The following ROBO1 variants were observed in gnomAD, a reference collection of about 807,000 sequenced individuals.
ROBO1 encodes roundabout guidance receptor 1, also known as roundabout homolog 1.
Under a neutral mutation model 195.9 loss-of-function variants are expected in ROBO1, and 149 were observed. The ratio of observed to expected loss-of-function variants is 0.76; its 90% confidence interval spans 0.67 to 0.87. The LOEUF is 0.87. Ranked by LOEUF, ROBO1 falls within the 40% of genes least tolerant of loss-of-function variation. The probability of loss-of-function intolerance (pLI) is 0.00; values close to 1 mark genes in which losing one functional copy is unlikely to be tolerated. For missense variants in ROBO1, 1,933 were observed against 2,068.3 expected (o/e 0.93, Z 1.27); for synonymous variants, 816 against 733.2 (o/e 1.11, Z -1.82).
intron 2 of ROBO1, among the ~76,000 whole-genome samples, chr3:79,529,793 A>G (rs1234438228): frequency 1.3e-5 from 2 of 152,344 alleles, no homozygotes; most frequent in East Asian, 3.9e-4. Context: ...CAAAATATGT[A>G]AATTGAAAAA....
At chr3:78,717,688 T>C (rs1041648556) in intron 6 of ROBO1, 75 bp downstream of exon 6, 10 of 1,495,856 alleles carry the variant, frequency 6.7e-6, no homozygotes, top group Non-Finnish European at 8.1e-6. Context: ...CAATTTTTCT[T>C]TCCCCCTTGT....
At chr3:79,405,989 A>T (rs1382201510) in intron 2 of ROBO1, among the ~76,000 whole-genome samples, 2 of 152,184 alleles carry the variant, frequency 1.3e-5, no homozygotes, top group Admixed American at 1.3e-4. Context: ...GAAACACAAA[A>T]TTGGAAAAAT....
At chr3:79,619,891 A>G (rs1479584606) in intron 1 of ROBO1, among the ~76,000 whole-genome samples, 1 of 152,170 alleles carries the variant, frequency 6.6e-6, no homozygotes, top group Non-Finnish European at 1.5e-5. Flanking sequence ...ACCCCACAAC[A>G]GGACTTAATT....
At chr3:78,912,883 A>T (rs1030337579) in intron 4 of ROBO1, among the ~76,000 whole-genome samples, 9 of 152,140 alleles carry the variant, frequency 5.9e-5, no homozygotes, top group African/African-American at 2.2e-4. Flanking sequence ...AGAATTGTGT[A>T]TGAGTCACAA....
chr3:78,771,336 T>C (rs2083370468), intron 4 of ROBO1, among the ~76,000 whole-genome samples: 1 of 152,160 alleles, frequency 6.6e-6, no homozygotes, highest in East Asian at 1.9e-4. Context: ...ATATGATGCC[T>C]CCAGCTTTGC....
chr3:79,501,149 C>T lies in ROBO1; in HGVS notation c.88+88675G>A, dbSNP rs544458313. Among the ~76,000 whole-genome samples, 9 of 152,260 alleles carry T rather than the reference C, an allele frequency of 5.9e-5. 1 individual carries two copies. In the South Asian group the frequency reaches 1.9e-3, roughly 32 times the overall value. ...CATTTTTTATTGGAAAACTATCACA[C>T]TCATTTGTTTATCTATTGACTATGG... On this transcript the variant is annotated intron_variant, in intron 2 of 30. Coordinates refer to ENST00000464233, the MANE Select transcript of ROBO1 (RefSeq NM_002941.4).
chr3:78,860,326 A>ATATATATATTTTTT (rs376853384), intron 4 of ROBO1, among the ~76,000 whole-genome samples: 22 of 93,514 alleles, frequency 2.4e-4, no homozygotes, highest in African/African-American at 9.9e-4. Flanking sequence ...ATATATATAT[A>ATATATATATTTTTT]TTTTTTTTTT....
intron 2 of ROBO1, among the ~76,000 whole-genome samples, chr3:79,570,636 G>A (rs1327595892): frequency 6.6e-6 from 1 of 152,098 alleles, no homozygotes; most frequent in Admixed American, 6.6e-5. Context: ...CAAAGAATGT[G>A]CATCATACAT....
intron 2 of ROBO1, among the ~76,000 whole-genome samples, chr3:79,572,508 G>T (rs538840854): frequency 6.6e-6 from 1 of 152,006 alleles, no homozygotes; most frequent in East Asian, 1.9e-4. Flanking sequence ...AACATGTATT[G>T]TCCATTTATA....
At chr3:79,544,527 A>G (rs1461685877) in intron 2 of ROBO1, among the ~76,000 whole-genome samples, 2 of 152,064 alleles carry the variant, frequency 1.3e-5, no homozygotes, top group African/African-American at 4.8e-5. Context: ...GACATTGCAG[A>G]TATTAATACC....
At chr3:79,746,414 C>T (rs951095286) in intron 1 of ROBO1, among the ~76,000 whole-genome samples, 3 of 152,140 alleles carry the variant, frequency 2.0e-5, no homozygotes, top group Middle Eastern at 3.4e-3. Flanking sequence ...TGATACAGTG[C>T]TTAAACCATA....
At chr3:79,414,667 G>C (rs2037924464) in intron 2 of ROBO1, among the ~76,000 whole-genome samples, 1 of 152,074 alleles carries the variant, frequency 6.6e-6, no homozygotes, top group African/African-American at 2.4e-5. Flanking sequence ...TGGTACACTA[G>C]TAAAAGCTCA....
At chr3:79,561,026 C>T (rs1405210251) in intron 2 of ROBO1, among the ~76,000 whole-genome samples, 2 of 152,032 alleles carry the variant, frequency 1.3e-5, no homozygotes, top group South Asian at 2.1e-4. Flanking sequence ...TGGAACAGAA[C>T]GTCTCAACTA....
intron 2 of ROBO1, among the ~76,000 whole-genome samples, chr3:79,372,455 C>T (rs990792697): frequency 2.0e-5 from 3 of 151,924 alleles, no homozygotes; most frequent in Non-Finnish European, 2.9e-5. Flanking sequence ...GTGATCTGCC[C>T]GCCTTGGCCT....
At chr3:78,845,939 C>T (rs1480687) in intron 4 of ROBO1, among the ~76,000 whole-genome samples, 42,483 of 152,006 alleles carry the variant, frequency 0.28, 7,307 homozygotes, top group South Asian at 0.49. Flanking sequence ...GTAGTGTTCC[C>T]TACTTCGCTG....
chr3:79,372,284 G>A (rs979280058), intron 2 of ROBO1, among the ~76,000 whole-genome samples: 2 of 150,416 alleles, frequency 1.3e-5, no homozygotes, highest in Non-Finnish European at 2.9e-5. Context: ...TCAGTTCACT[G>A]CAACCTCCGC....
intron 1 of ROBO1, among the ~76,000 whole-genome samples, chr3:79,624,310 TAGC>T (rs1945099653): frequency 6.6e-6 from 1 of 152,026 alleles, no homozygotes; most frequent in African/African-American, 2.4e-5. Flanking sequence ...AATAATCAAA[TAGC>T]AGAATGATGA....
chr3:78,886,637 C>T, intron 4 of ROBO1, among the ~76,000 whole-genome samples: 1 of 151,838 alleles, frequency 6.6e-6, no homozygotes, highest in East Asian at 1.9e-4. Flanking sequence ...ATTATGTTAC[C>T]AGAGTAAAGA....
chr3:79,244,904 C>T (rs751306911), intron 2 of ROBO1, among the ~76,000 whole-genome samples: 1 of 151,858 alleles, frequency 6.6e-6, no homozygotes, highest in Admixed American at 6.6e-5. Flanking sequence ...GACATAAGGG[C>T]ATTCTGAAAT....
Sources: gnomAD v4.1 joint callset for allele counts (sites outside exome capture counted in the v4.1 genomes callset) on GRCh38, gnomAD v4.1.1 for gene constraint, MANE v1.5 for transcripts, NCBI Gene and HGNC (gene_info 2026-07-23, HGNC 2026-07-21) for gene names.